Variants in VAPA observed in about 807,000 individuals in gnomAD.
VAPA encodes VAMP associated protein A.
VAPA carries 6 observed loss-of-function variants against 25.6 expected under a neutral mutation model. That is an observed-to-expected ratio of 0.23 (90% CI 0.13 to 0.46). The LOEUF (loss-of-function observed/expected upper bound fraction) is 0.46, where lower values mean the gene tolerates loss of function less well. VAPA is among the 20% of genes least tolerant of loss of function. The pLI is 0.99. For missense variants in VAPA, 244 were observed against 302.1 expected (o/e 0.81, Z 1.43); for synonymous variants, 112 against 106.2 (o/e 1.05, Z -0.34).
intron 5 of VAPA, 148 bp from the exon 6 acceptor site, chr18:9,953,902 TTTC>T (rs2069515184): frequency 2.4e-6 from 2 of 847,844 alleles, no homozygotes; most frequent in Admixed American, 5.7e-5. Context: ...CCCCGGAAAG[TTTC>T]CTTATGTGGT....
intron 1 of VAPA, chr18:9,914,548 C>G (rs2069094277): frequency 3.9e-6 from 1 of 254,740 alleles, no homozygotes; most frequent in Non-Finnish European, 7.4e-6. Flanking sequence ...CGCCCGCCCT[C>G]GCTGCGGTGC....
At chr18:9,926,971 A>G (rs11665575) in intron 1 of VAPA, among the ~76,000 whole-genome samples, 8,270 of 152,210 alleles carry the variant, frequency 0.054, 268 homozygotes, top group South Asian at 0.14. Context: ...GAGTTCATAA[A>G]TTAATGTTCA....
At chr18:9,929,132 GAA>G (rs944338355) in intron 1 of VAPA, among the ~76,000 whole-genome samples, 3 of 152,178 alleles carry the variant, frequency 2.0e-5, no homozygotes, top group Admixed American at 6.5e-5. Context: ...ACATTTTGAA[GAA>G]AAGAGTACAC....
At chr18:9,940,642 T>A (rs2069357440) in intron 4 of VAPA, among the ~76,000 whole-genome samples, 1 of 152,184 alleles carries the variant, frequency 6.6e-6, no homozygotes, top group Non-Finnish European at 1.5e-5. Flanking sequence ...CAAAATCCAA[T>A]ACTGATCCTG....
intron 1 of VAPA, among the ~76,000 whole-genome samples, chr18:9,922,572 GTGAC>G (rs957945585): frequency 2.6e-5 from 4 of 152,116 alleles, no homozygotes; most frequent in African/African-American, 7.2e-5. Context: ...ATATATGCTG[GTGAC>G]TGACCAGTCA....
At chr18:9,929,528 G>C (rs999287630) in intron 1 of VAPA, among the ~76,000 whole-genome samples, 2 of 152,090 alleles carry the variant, frequency 1.3e-5, no homozygotes, top group Non-Finnish European at 2.9e-5. Context: ...AATGTAAAAT[G>C]TTTTTGAATA....
At chr18:9,914,555 G>T in intron 1 of VAPA, 1 of 241,734 alleles carries the variant, frequency 4.1e-6, no homozygotes, top group African/African-American at 2.3e-5. Flanking sequence ...CCTCGCTGCG[G>T]TGCGCGCGCC....
intron 1 of VAPA, among the ~76,000 whole-genome samples, chr18:9,927,022 G>T (rs2069205809): frequency 6.6e-6 from 1 of 152,000 alleles, no homozygotes; most frequent in African/African-American, 2.4e-5. Flanking sequence ...TTTTAGAAGT[G>T]TTTTCTGTTT....
Position 9,955,482 on chromosome 18 carries a change from T to A in VAPA, c.*1271T>A, listed in dbSNP as rs1248640836. On this transcript the variant is annotated 3_prime_UTR_variant, in exon 6 of 6. Transcript: ENST00000400000. ...CATACTAGGATAGAAAATTTTGGAATCAGAAAATAGATCCAGTGTTTAGCT... is the reference window on the plus strand; with the variant it reads ...CATACTAGGATAGAAAATTTTGGAAACAGAAAATAGATCCAGTGTTTAGCT... The A allele has an allele frequency of 6.6e-6, 1 of 152,192 alleles. No homozygotes were observed. The highest frequency in any genetic ancestry group is 2.4e-5 in the African/African-American group (1 of 41,458). The allele number at this position is 152,192 out of a possible 1,614,324, so 9.4% of individuals were successfully genotyped here. A position where few individuals can be genotyped will look rare whatever the true frequency, so the allele number is the denominator to read the frequency against.
rs1308933045 is a variant in VAPA at position 9,936,999 on chromosome 18, A to G, written c.350A>G (p.Lys117Arg). Reference protein sequence around the residue: ...SDMEAVWKEAKPDELMDSKLR... With the variant: ...SDMEAVWKEARPDELMDSKLR... ...GTTTATTTTTAGTGGAAAGAGGCAA[A>G]ACCTGATGAATTAATGGATTCCAAA... The change falls in exon 4 of 6, where the codon AAA becomes AGA. Residue 117 changes from lysine to arginine, a missense_variant. By Grantham distance (26) the Lys-to-Arg change is conservative. Around this residue, in one of 2 missense-constraint regions of VAPA, gnomAD observed 99 missense variants for 161.6 expected, o/e 0.61. Transcript: ENST00000400000. The G allele has an allele frequency of 6.2e-7, 1 of 1,613,790 alleles. No homozygotes were observed. The highest frequency in any genetic ancestry group is 8.5e-7 in the Non-Finnish European group (1 of 1,179,878).
intron 2 of VAPA, among the ~76,000 whole-genome samples, chr18:9,933,796 C>T (rs997215345): frequency 6.6e-6 from 1 of 152,168 alleles, no homozygotes; most frequent in African/African-American, 2.4e-5. Flanking sequence ...CCTTAGCCTC[C>T]CCAAATGCTG....
At chr18:9,953,915 T>C (rs959566291) in intron 5 of VAPA, 138 bp from the exon 6 acceptor site, 1 of 956,200 alleles carries the variant, frequency 1.0e-6, no homozygotes, top group African/African-American at 1.7e-5. Flanking sequence ...CCTTATGTGG[T>C]TAGCAGTTAA....
In VAPA at chr18:9,959,980, AAAC is replaced by A. The variant is rs1192822820; in HGVS notation, c.*5772_*5774del. On this transcript the variant is annotated 3_prime_UTR_variant, in exon 6 of 6. Transcript: ENST00000400000. ...AAATTTAAGGATATATTTCACATGA[AAAC>A]AAATACAAACGAGAATCAAAATAAA... The A allele has an allele frequency of 8.2e-6, 1 of 121,882 alleles. No homozygotes were observed. The allele number at this position is 121,882 out of a possible 1,614,324, so 7.6% of individuals were successfully genotyped here.
At chr18:9,939,650 G>T (rs2069347409) in intron 4 of VAPA, among the ~76,000 whole-genome samples, 1 of 151,478 alleles carries the variant, frequency 6.6e-6, no homozygotes, top group African/African-American at 2.4e-5. Flanking sequence ...CCTGTCCCTG[G>T]TATTTCCTGT....
chr18:9,918,380 T>C (rs954030317), intron 1 of VAPA, among the ~76,000 whole-genome samples: 7 of 152,206 alleles, frequency 4.6e-5, no homozygotes, highest in Non-Finnish European at 1.0e-4. Flanking sequence ...CCATATTCAC[T>C]GTTTTTCCAG....
chr18:9,959,922 TA>T lies in VAPA; in HGVS notation c.*5714del, dbSNP rs2069589393. 6.6e-6 allele frequency: 1 copy of T among 152,126 alleles called. No individual in the cohort carries two copies. The highest frequency in any genetic ancestry group is 2.1e-4 in the South Asian group (1 of 4,832). 9.4% of individuals were successfully genotyped at this position (152,126 alleles called of 1,614,324 possible). A position where few individuals can be genotyped will look rare whatever the true frequency, so the allele number is the denominator to read the frequency against. ...TCCTTAATTGTATATAATATGTAGA[TA>T]AATATATGAGGGTATTAAGCTACTT... is the stretch of plus-strand genomic sequence containing the variant. On this transcript the variant is annotated 3_prime_UTR_variant, in exon 6 of 6. Coordinates refer to ENST00000400000, the MANE Select transcript of VAPA (RefSeq NM_194434.3).
In VAPA at chr18:9,944,031, T is replaced by G. The variant is rs888196986; in HGVS notation, c.418-6364T>G. Among the ~76,000 whole-genome samples the G allele has an allele frequency of 5.3e-5, 8 of 151,628 alleles. No individual in the cohort carries two copies. In the East Asian group the frequency reaches 5.8e-4, roughly 11 times the overall value. On this transcript the variant is annotated intron_variant, in intron 4 of 5. Transcript: ENST00000400000. Reference sequence around the variant, plus strand: ...TGCCCGCCACCACGCCTGGCTAATTTTTTGTATTTTTAGTAGAGACAGGGT... The same window carrying G: ...TGCCCGCCACCACGCCTGGCTAATTGTTTGTATTTTTAGTAGAGACAGGGT...
At position 9,914,290 on chromosome 18, in the gene VAPA, G is replaced by C. The variant is rs749781397; in HGVS notation, c.34G>C (p.Glu12Gln). Residue 12 changes from glutamate (E) to glutamine (Q), a missense_variant, in exon 1 of 6, where the codon GAG becomes CAG. Glu to Gln is a conservative substitution (Grantham distance 29). Around this residue, in one of 2 missense-constraint regions of VAPA, gnomAD observed 99 missense variants for 161.6 expected, o/e 0.61. Transcript: ENST00000400000. Reference protein sequence around the residue: ...ASASGAMAKHEQILVLDPPTD... With the variant: ...ASASGAMAKHQQILVLDPPTD... ...CGCCTCAGGGGCCATGGCGAAGCAC[G>C]AGCAGATCCTGGTCCTCGATCCGCC... 1.9e-6 allele frequency: 3 copies of C among 1,591,376 alleles called. No individual in the cohort carries two copies. The highest frequency in any genetic ancestry group is 2.8e-5 in the African/African-American group (2 of 71,532).
intron 3 of VAPA, 131 bp downstream of exon 3, chr18:9,936,344 TTCA>T: frequency 3.9e-6 from 2 of 511,220 alleles, no homozygotes; most frequent in Non-Finnish European, 6.9e-6. Context: ...TGCCAATTTC[TTCA>T]TTATAGATAA....
Sources: allele counts gnomAD v4.1 joint callset (sites outside exome capture counted in the v4.1 genomes callset), GRCh38; gene constraint gnomAD v4.1.1; regional missense constraint gnomAD v4.1.1; transcripts MANE v1.5; gene names NCBI Gene and HGNC (gene_info 2026-07-23, HGNC 2026-07-21).